GABRA2: variants seen among roughly 807,000 people sequenced by gnomAD.
The protein encoded by GABRA2 is gamma-aminobutyric acid type A receptor subunit alpha2.
In GABRA2, 16 loss-of-function variants were observed where a neutral mutation model predicts 48.7. That is an observed-to-expected ratio of 0.33 (90% CI 0.22 to 0.50). GABRA2 has a LOEUF of 0.50. Ranked by LOEUF, GABRA2 falls within the 20% of genes least tolerant of loss-of-function variation. GABRA2 has a pLI of 0.98. For missense variants in GABRA2, 275 were observed against 535.6 expected (o/e 0.51, Z 4.80); for synonymous variants, 185 against 184.5 (o/e 1.00, Z -0.02).
chr4:46,381,030 G>T (rs1251611217), intron 3 of GABRA2, among the ~76,000 whole-genome samples: 4 of 152,118 alleles, frequency 2.6e-5, no homozygotes, highest in Non-Finnish European at 5.9e-5. Flanking sequence ...GGTTGGGAGA[G>T]GGTGGTTCTA....
In GABRA2 at chr4:46,245,865, AG is replaced by A. The variant is rs1713621136; in HGVS notation, c.*4442del. ...ATTAAATACATCATTGAGTAGTTTG[AG>A]GTGGGACGTATAACCACCTTTATAA... On this transcript the variant is annotated 3_prime_UTR_variant, in exon 10 of 10. Coordinates refer to ENST00000381620, the MANE Select transcript of GABRA2 (RefSeq NM_000807.4). 6.6e-6 allele frequency among the ~76,000 whole-genome samples: 1 copy of A among 151,142 alleles called. No homozygotes were observed. Among genetic ancestry groups the A allele is most frequent in the Non-Finnish European group, 1.5e-5 (1 of 67,384 alleles).
At chr4:46,263,155 C>T (rs763742883) in intron 8 of GABRA2, among the ~76,000 whole-genome samples, 10 of 151,836 alleles carry the variant, frequency 6.6e-5, no homozygotes, top group Non-Finnish European at 1.2e-4. Flanking sequence ...AACAAATCAG[C>T]AGCAACTGTA....
Position 46,378,827 on chromosome 4 carries a change from C to CA in GABRA2, c.187+7246dup, listed in dbSNP as rs113954847. Among the ~76,000 whole-genome samples the CA allele has an allele frequency of 1.4e-3, 194 of 138,212 alleles. 1 individual carries two copies. Among genetic ancestry groups the CA allele is most frequent in the Middle Eastern group, 0.012 (3 of 256 alleles). The allele number at this position is 138,212 out of a possible 152,430, so 90.7% of individuals were successfully genotyped here. On this transcript the variant is annotated intron_variant, in intron 3 of 9. Coordinates refer to ENST00000381620, the MANE Select transcript of GABRA2 (RefSeq NM_000807.4). ...TGGGCAACATAGCAAGATTCTGCCT[C>CA]AAAAAAAAAAAAAAGTAGGCAATAT...
intron 8 of GABRA2, among the ~76,000 whole-genome samples, chr4:46,296,350 T>A (rs1018592581): frequency 6.6e-6 from 1 of 152,110 alleles, no homozygotes; most frequent in Non-Finnish European, 1.5e-5. Context: ...AGAGGAAACA[T>A]CAATGATTCC....
At chr4:46,373,939 C>A (rs993686236) in intron 3 of GABRA2, among the ~76,000 whole-genome samples, 7 of 152,108 alleles carry the variant, frequency 4.6e-5, no homozygotes, top group African/African-American at 1.7e-4. Context: ...ACCAGCCTTG[C>A]AATTCCGTTT....
intron 3 of GABRA2, among the ~76,000 whole-genome samples, chr4:46,360,268 C>G (rs988143072): frequency 5.3e-5 from 8 of 152,174 alleles, no homozygotes; most frequent in Non-Finnish European, 1.0e-4. Flanking sequence ...TCACCGAAAT[C>G]TCATCTTGAA....
rs192265841 is a variant in GABRA2 at position 46,253,345 on chromosome 4, C to T, written c.1060-2741G>A. Among the ~76,000 whole-genome samples, 321 of 151,490 alleles carry T rather than the reference C, an allele frequency of 2.1e-3. 2 individuals carry two copies. Among genetic ancestry groups the T allele is most frequent in the African/African-American group, 7.6e-3 (314 of 41,454 alleles). On this transcript the variant is annotated intron_variant, in intron 9 of 9. Coordinates refer to ENST00000381620, the MANE Select transcript of GABRA2 (RefSeq NM_000807.4). ...GGACTAACCAATCTGAACAGATACT[C>T]TGACCAATCAGAACTGACGTTGGCT...
chr4:46,278,191 A>G (rs1331250535), intron 8 of GABRA2, among the ~76,000 whole-genome samples: 1 of 152,192 alleles, frequency 6.6e-6, no homozygotes, highest in Non-Finnish European at 1.5e-5. Context: ...GATCCATAGT[A>G]TATTCTACAG....
intron 8 of GABRA2, among the ~76,000 whole-genome samples, chr4:46,291,550 G>A (rs1400065598): frequency 6.6e-6 from 1 of 152,062 alleles, no homozygotes; most frequent in Non-Finnish European, 1.5e-5. Flanking sequence ...CTGCCAGCAT[G>A]GCTGGATTAA....
At chr4:46,276,416 A>T (rs1720515226) in intron 8 of GABRA2, among the ~76,000 whole-genome samples, 1 of 152,106 alleles carries the variant, frequency 6.6e-6, no homozygotes, top group African/African-American at 2.4e-5. Flanking sequence ...ATCATCTGAT[A>T]GTGACAATTT....
intron 3 of GABRA2, among the ~76,000 whole-genome samples, chr4:46,370,457 AG>A (rs1377260037): frequency 3.3e-5 from 5 of 152,298 alleles, no homozygotes; most frequent in African/African-American, 1.2e-4. Context: ...AAGTGGAGGT[AG>A]ATCTATGAAG....
At chr4:46,269,829 A>G (rs1320643663) in intron 8 of GABRA2, among the ~76,000 whole-genome samples, 1 of 151,938 alleles carries the variant, frequency 6.6e-6, no homozygotes, top group Non-Finnish European at 1.5e-5. Flanking sequence ...GAAAATTAAT[A>G]CTGAGGAGAT....
intron 3 of GABRA2, among the ~76,000 whole-genome samples, chr4:46,343,824 C>T (rs1733696799): frequency 6.6e-6 from 1 of 151,928 alleles, no homozygotes; most frequent in African/African-American, 2.4e-5. Flanking sequence ...CTATGTATAT[C>T]TGTATCTAAT....
At chr4:46,273,695 T>G (rs1434873035) in intron 8 of GABRA2, among the ~76,000 whole-genome samples, 1 of 151,930 alleles carries the variant, frequency 6.6e-6, no homozygotes, top group East Asian at 1.9e-4. Flanking sequence ...ACTTAACGAC[T>G]GTGGCACAAG....
intron 9 of GABRA2, among the ~76,000 whole-genome samples, chr4:46,251,316 T>G (rs887503992): frequency 1.3e-5 from 2 of 151,698 alleles, no homozygotes; most frequent in South Asian, 2.1e-4. Context: ...GGATCTTTTT[T>G]AAGACATAAA....
intron 3 of GABRA2, among the ~76,000 whole-genome samples, chr4:46,385,754 A>G (rs1717359765): frequency 6.6e-6 from 1 of 152,124 alleles, no homozygotes; most frequent in Admixed American, 6.5e-5. Context: ...CACATGAAAT[A>G]TACTTTCATA....
intron 8 of GABRA2, among the ~76,000 whole-genome samples, chr4:46,299,064 A>C (rs1158515286): frequency 6.6e-6 from 1 of 151,376 alleles, no homozygotes; most frequent in East Asian, 1.9e-4. Flanking sequence ...TTTGACTCAT[A>C]AAAATATCAC....
intron 8 of GABRA2, among the ~76,000 whole-genome samples, chr4:46,287,445 A>C (rs1722770276): frequency 6.6e-6 from 1 of 151,872 alleles, no homozygotes; most frequent in African/African-American, 2.4e-5. Flanking sequence ...AATACTATGC[A>C]GCCATAAAAA....
chr4:46,285,576 T>C (rs1722404303), intron 8 of GABRA2, among the ~76,000 whole-genome samples: 1 of 152,106 alleles, frequency 6.6e-6, no homozygotes, highest in Non-Finnish European at 1.5e-5. Context: ...TATTTAATTT[T>C]CCTTATAACC....
Sources: gnomAD v4.1 joint callset for allele counts (sites outside exome capture counted in the v4.1 genomes callset) on GRCh38, gnomAD v4.1.1 for gene constraint, MANE v1.5 for transcripts, NCBI Gene and HGNC (gene_info 2026-07-23, HGNC 2026-07-21) for gene names.